Variants in ABHD14A observed in about 807,000 individuals in gnomAD.
ABHD14A encodes the protein abhydrolase domain containing 14A, also known as protein ABHD14A.
A neutral mutation model predicts 27.0 loss-of-function variants in ABHD14A; 19 were observed. That is an observed-to-expected ratio of 0.70 (90% CI 0.49 to 1.03). ABHD14A has a LOEUF of 1.03. ABHD14A is among the 50% of genes least tolerant of loss of function. The pLI, the probability that ABHD14A is intolerant of heterozygous loss-of-function variation, is 0.00. For missense variants in ABHD14A, 311 were observed against 344.6 expected (o/e 0.90, Z 0.77); for synonymous variants, 148 against 158.8 (o/e 0.93, Z 0.51).
At chr3:51,979,904 G>T (rs1364950550) in intron 3 of ABHD14A, among the ~76,000 whole-genome samples, 1 of 151,856 alleles carries the variant, frequency 6.6e-6, no homozygotes, top group Non-Finnish European at 1.5e-5. Flanking sequence ...CCCCAACACT[G>T]GGTATTATTT....
Position 51,975,135 on chromosome 3 carries a change from C to A in ABHD14A, c.-1C>A. 7.7e-7 allele frequency: 1 copy of A among 1,293,770 alleles called. No individual in the cohort carries two copies. Among genetic ancestry groups the A allele is most frequent in the Non-Finnish European group, 9.8e-7 (1 of 1,020,680 alleles). 80.1% of individuals were successfully genotyped at this position (1,293,770 alleles called of 1,614,324 possible). A position where few individuals can be genotyped will look rare whatever the true frequency, so the allele number is the denominator to read the frequency against. On this transcript the variant is annotated 5_prime_UTR_variant, in exon 1 of 5. Transcript: ENST00000273596. ...CGGCCCGCGGAGCTGCGGAGGCAGC[C>A]ATGGTCGGGGCGCTGTGCGGCTGCT...
chr3:51,977,763 C>T lies in ABHD14A; in HGVS notation c.70-108C>T, dbSNP rs1437677991. On this transcript the variant is annotated intron_variant, in intron 1 of 4. Transcript: ENST00000273596. ...CCCAGAGCAAGGGAAAGGGCAAGGG[C>T]TGGAGCTCTTCCTCTGCTGGGGACT... The T allele has an allele frequency of 2.8e-6, 3 of 1,066,636 alleles. No homozygotes were observed. In the African/African-American group the frequency reaches 4.7e-5, roughly 17 times the overall value. 66.1% of individuals were successfully genotyped at this position (1,066,636 alleles called of 1,614,324 possible).
intron 1 of ABHD14A, among the ~76,000 whole-genome samples, chr3:51,977,470 C>A (rs931543692): frequency 6.6e-6 from 1 of 152,144 alleles, no homozygotes; most frequent in East Asian, 1.9e-4. Context: ...TCTGAGCCTC[C>A]ATTTCCTCAC....
chr3:51,977,878 T>G lies in ABHD14A; in HGVS notation c.77T>G (p.Val26Gly), dbSNP rs776878514. 1.9e-6 allele frequency: 3 copies of G among 1,613,530 alleles called. No homozygotes were observed. The highest frequency in any genetic ancestry group is 2.5e-6 in the Non-Finnish European group (3 of 1,179,620). The change falls in exon 2 of 5, where the codon GTA becomes GGA. Residue 26 changes from valine (V) to glycine (G), a missense_variant. Coordinates refer to ENST00000273596, the MANE Select transcript of ABHD14A (RefSeq NM_015407.5). ...TCTCCTCTCCCTCTCCAGACTGTGGTACAGACCTCCATGAGCCGGTCCCAG... is the reference window on the plus strand; with the variant it reads ...TCTCCTCTCCCTCTCCAGACTGTGGGACAGACCTCCATGAGCCGGTCCCAG... ...RPLIPLGPTV[V>G]QTSMSRSQVA... is the part of the protein sequence containing the mutation.
chr3:51,977,232 T>C (rs182367015), intron 1 of ABHD14A, among the ~76,000 whole-genome samples: 78 of 152,306 alleles, frequency 5.1e-4, no homozygotes, highest in Admixed American at 5.1e-3. Flanking sequence ...AAAGAACCAT[T>C]TCCAAACATG....
At chr3:51,975,542 G>C (rs1700770980) in intron 1 of ABHD14A, among the ~76,000 whole-genome samples, 1 of 151,776 alleles carries the variant, frequency 6.6e-6, no homozygotes, top group Non-Finnish European at 1.5e-5. Flanking sequence ...TGATTTTAAG[G>C]GTATGTGTCT....
intron 3 of ABHD14A, chr3:51,978,803 G>A: frequency 4.6e-6 from 1 of 218,606 alleles, no homozygotes; most frequent in South Asian, 4.6e-5. Flanking sequence ...TGCTGGCCAG[G>A]CTGGTCCTGA....
chr3:51,979,494 T>TG (rs1250226316), intron 3 of ABHD14A, among the ~76,000 whole-genome samples: 2 of 150,506 alleles, frequency 1.3e-5, no homozygotes, highest in South Asian at 2.1e-4. Flanking sequence ...TTTTGTTTTT[T>TG]TTTTTTTTGA....
intron 3 of ABHD14A, chr3:51,978,846 C>T: frequency 4.2e-6 from 1 of 236,156 alleles, no homozygotes; most frequent in African/African-American, 2.3e-5. Flanking sequence ...CCTGCCTCGG[C>T]CTCCCCAAGT....
chr3:51,975,118 G>T lies in ABHD14A; in HGVS notation c.-18G>T. 7.7e-7 allele frequency: 1 copy of T among 1,291,396 alleles called. No homozygotes were observed. 80.0% of individuals were successfully genotyped at this position (1,291,396 alleles called of 1,614,324 possible). On this transcript the variant is annotated 5_prime_UTR_variant, in exon 1 of 5. Transcript: ENST00000273596. Reference sequence around the variant, plus strand: ...GCCGCCTAGAGCCGGAGCGGCCCGCGGAGCTGCGGAGGCAGCCATGGTCGG... The same window carrying T: ...GCCGCCTAGAGCCGGAGCGGCCCGCTGAGCTGCGGAGGCAGCCATGGTCGG...
intron 3 of ABHD14A, chr3:51,979,016 C>G (rs534952010): frequency 8.3e-5 from 19 of 228,492 alleles, no homozygotes; most frequent in Non-Finnish European, 7.5e-5. Flanking sequence ...TTAAAAAATA[C>G]TAAAAAATAG....
rs760080903 is a variant in ABHD14A at position 51,977,872 on chromosome 3, CTGTGGTACAGACCTCCA to C, written c.74_90del (p.Val25GlufsTer27). The C allele has an allele frequency of 1.9e-6, 3 of 1,611,936 alleles. No individual in the cohort carries two copies. The South Asian group carries it at 3.3e-5, about 18-fold the overall frequency. On this transcript the variant is annotated frameshift_variant and splice_region_variant, in exon 2 of 5. Transcript: ENST00000273596. LOFTEE classifies it high-confidence loss of function. ...TTTCCCTCTCCTCTCCCTCTCCAGA[CTGTGGTACAGACCTCCA>C]TGAGCCGGTCCCAGGTAGCCCTGCT... is the stretch of plus-strand genomic sequence containing the variant.
intron 3 of ABHD14A, among the ~76,000 whole-genome samples, chr3:51,979,330 CG>C (rs1700860976): frequency 6.6e-6 from 1 of 152,096 alleles, no homozygotes; most frequent in Non-Finnish European, 1.5e-5. Context: ...CCTCTACTGG[CG>C]GAGTGCTCAA....
intron 3 of ABHD14A, chr3:51,978,877 C>T (rs755375018): frequency 7.0e-6 from 2 of 286,942 alleles, no homozygotes; most frequent in South Asian, 5.2e-5. Flanking sequence ...CAGGTGTGAG[C>T]CACTGCGCCC....
intron 3 of ABHD14A, 127 bp downstream of exon 3, chr3:51,978,501 C>A: frequency 1.7e-6 from 1 of 586,302 alleles, no homozygotes; most frequent in South Asian, 3.0e-5. Context: ...TCTGTGTTTT[C>A]ATTTTCTACT....
intron 1 of ABHD14A, 47 bp downstream of exon 1, chr3:51,975,251 C>T: frequency 8.1e-7 from 1 of 1,239,450 alleles, no homozygotes; most frequent in Non-Finnish European, 1.0e-6. Flanking sequence ...CAGGGGAGGG[C>T]CGTCTTTACC....
intron 1 of ABHD14A, among the ~76,000 whole-genome samples, 189 bp downstream of exon 1, chr3:51,975,393 G>GT (rs1700766384): frequency 6.7e-6 from 1 of 149,332 alleles, no homozygotes; most frequent in Non-Finnish European, 1.5e-5. Flanking sequence ...GGGTCTGGGT[G>GT]TATGTGTACG....
At chr3:51,977,185 C>T (rs1700804583) in intron 1 of ABHD14A, among the ~76,000 whole-genome samples, 3 of 152,166 alleles carry the variant, frequency 2.0e-5, no homozygotes, top group South Asian at 4.1e-4. Flanking sequence ...TTGTAAAACG[C>T]GTTCTGATTT....
At chr3:51,978,972 T>C in intron 3 of ABHD14A, 1 of 277,232 alleles carries the variant, frequency 3.6e-6, no homozygotes, top group Non-Finnish European at 7.7e-6. Context: ...ATTCTTGTCA[T>C]TAAAAAAATG....
Sources: gnomAD v4.1 joint callset for allele counts (sites outside exome capture counted in the v4.1 genomes callset) on GRCh38, gnomAD v4.1.1 for gene constraint, MANE v1.5 for transcripts, NCBI Gene and HGNC (gene_info 2026-07-23, HGNC 2026-07-21) for gene names.